The following MCC variants were observed in gnomAD, a reference collection of about 807,000 sequenced individuals.
MCC encodes colorectal mutant cancer protein.
Under a neutral mutation model 116.2 loss-of-function variants are expected in MCC, and 90 were observed. The observed-to-expected ratio is 0.77, with a 90% CI of 0.65 to 0.92. The LOEUF (loss-of-function observed/expected upper bound fraction) is 0.92. Among genes scored for constraint, MCC ranks in the 40% least tolerant of loss-of-function variants. The pLI is 0.00. For missense variants in MCC, 1,516 were observed against 1,312.2 expected, an observed-to-expected ratio of 1.16 and a Z score of -2.40; for synonymous variants, 578 against 510.5, an observed-to-expected ratio of 1.13 and a Z score of -1.78.
chr5:113,168,703 T>C (rs1760904198), intron 3 of MCC, among the ~76,000 whole-genome samples: 1 of 152,190 alleles, frequency 6.6e-6, no homozygotes, highest in Non-Finnish European at 1.5e-5. Flanking sequence ...TGTGCTTTTT[T>C]GCCATGTCTG....
At chr5:113,112,293 G>T (rs968671692) in intron 6 of MCC, among the ~76,000 whole-genome samples, 1 of 152,130 alleles carries the variant, frequency 6.6e-6, no homozygotes, top group South Asian at 2.1e-4. Flanking sequence ...AATTGTAATC[G>T]CCAATGTTGG....
chr5:113,247,527 G>T (rs1338140750), intron 3 of MCC, among the ~76,000 whole-genome samples: 3 of 152,162 alleles, frequency 2.0e-5, no homozygotes, highest in African/African-American at 7.2e-5. Flanking sequence ...TTCTTCACAT[G>T]GAAGTTTTAG....
At chr5:113,076,558 C>T (rs937394042) in intron 11 of MCC, among the ~76,000 whole-genome samples, 2 of 152,136 alleles carry the variant, frequency 1.3e-5, no homozygotes, top group Non-Finnish European at 1.5e-5. Flanking sequence ...TGCAGCCAAA[C>T]TAAGCTTCAT....
intron 1 of MCC, among the ~76,000 whole-genome samples, chr5:113,472,461 G>C (rs918257173): frequency 5.9e-5 from 9 of 152,084 alleles, no homozygotes; most frequent in African/African-American, 1.9e-4. Context: ...TATACTTATT[G>C]CATAAGACAA....
At chr5:113,469,508 A>C (rs1202722552) in intron 1 of MCC, among the ~76,000 whole-genome samples, 1 of 152,198 alleles carries the variant, frequency 6.6e-6, no homozygotes, top group Non-Finnish European at 1.5e-5. Flanking sequence ...TGAGTTTCTC[A>C]ATCCTGAGTT....
intron 17 of MCC, among the ~76,000 whole-genome samples, chr5:113,034,337 G>A (rs144110782): frequency 2.2e-3 from 341 of 152,370 alleles, no homozygotes; most frequent in Admixed American, 3.5e-3. Context: ...TGGGCAGAGC[G>A]AAGCAAGCCT....
chr5:113,106,845 C>G (rs1756764157), intron 6 of MCC, among the ~76,000 whole-genome samples: 1 of 152,246 alleles, frequency 6.6e-6, no homozygotes, highest in African/African-American at 2.4e-5. Flanking sequence ...GCCACCATGC[C>G]TGGCCAACCA....
intron 3 of MCC, among the ~76,000 whole-genome samples, chr5:113,229,410 A>G (rs1763859956): frequency 6.6e-6 from 1 of 152,256 alleles, no homozygotes; most frequent in South Asian, 2.1e-4. Flanking sequence ...ATGTTTTTCC[A>G]AACACCTAGT....
chr5:113,266,828 CA>C (rs1252044888), intron 3 of MCC, among the ~76,000 whole-genome samples: 2 of 151,750 alleles, frequency 1.3e-5, no homozygotes, highest in African/African-American at 4.8e-5. Context: ...AAAAACCTAA[CA>C]AAAAAACCTA....
At chr5:113,068,297 C>G in intron 12 of MCC, 114 bp from the exon 13 acceptor site, 1 of 735,716 alleles carries the variant, frequency 1.4e-6, no homozygotes. Flanking sequence ...TCACTCTCCA[C>G]ACAGGCAAGG....
At chr5:113,108,071 G>A (rs1468808904) in intron 6 of MCC, among the ~76,000 whole-genome samples, 2 of 152,146 alleles carry the variant, frequency 1.3e-5, no homozygotes, top group Non-Finnish European at 2.9e-5. Flanking sequence ...GAGGCCAGGC[G>A]CAGTGGCTCA....
rs960291691 is a variant in MCC at position 113,231,188 on chromosome 5, G to A, written c.628-79766C>T. ...TTTGTTTTGTTTTTTACTGAGGATT[G>A]AGGTACTAAAACATTTCCCTATTTC... On this transcript the variant is annotated intron_variant, in intron 3 of 18. Coordinates refer to ENST00000408903, the MANE Select transcript of MCC (RefSeq NM_001085377.2). Among the ~76,000 whole-genome samples the A allele has an allele frequency of 5.3e-5, 8 of 152,238 alleles. No homozygotes were observed. In the South Asian group the frequency reaches 1.7e-3, roughly 32 times the overall value.
chr5:113,066,975 C>T (rs973055739), intron 13 of MCC, among the ~76,000 whole-genome samples: 3 of 152,190 alleles, frequency 2.0e-5, no homozygotes, highest in Non-Finnish European at 4.4e-5. Context: ...CATGGAGAGA[C>T]GGCCACCTTT....
intron 5 of MCC, among the ~76,000 whole-genome samples, chr5:113,140,692 C>G (rs1464211777): frequency 6.6e-6 from 1 of 152,114 alleles, no homozygotes. Context: ...AAACTATGCC[C>G]TTAATAATGA....
At chr5:113,444,140 C>A (rs570356991) in intron 1 of MCC, among the ~76,000 whole-genome samples, 1 of 151,996 alleles carries the variant, frequency 6.6e-6, no homozygotes, top group Non-Finnish European at 1.5e-5. Context: ...TCACCGTGCC[C>A]GGCCTGTACA....
intron 3 of MCC, among the ~76,000 whole-genome samples, chr5:113,197,365 G>A (rs1306264132): frequency 2.0e-5 from 3 of 152,240 alleles, no homozygotes; most frequent in East Asian, 3.9e-4. Flanking sequence ...AAGAAGTGAA[G>A]AATGGCTACC....
intron 2 of MCC, among the ~76,000 whole-genome samples, chr5:113,341,383 C>G (rs1044787162): frequency 6.6e-6 from 1 of 152,042 alleles, no homozygotes; most frequent in Admixed American, 6.5e-5. Context: ...CATTTCTATA[C>G]TATGTTGCCC....
At chr5:113,287,275 T>G (rs1170493747) in intron 3 of MCC, among the ~76,000 whole-genome samples, 2 of 152,198 alleles carry the variant, frequency 1.3e-5, no homozygotes, top group Non-Finnish European at 2.9e-5. Context: ...AAATATAATT[T>G]TCATTTTCTG....
At chr5:113,367,004 T>C (rs1768704051) in intron 2 of MCC, among the ~76,000 whole-genome samples, 1 of 152,122 alleles carries the variant, frequency 6.6e-6, no homozygotes, top group Non-Finnish European at 1.5e-5. Flanking sequence ...GGTCTCCCTA[T>C]GTTGCCCAGA....
Sources: allele counts gnomAD v4.1 joint callset (sites outside exome capture counted in the v4.1 genomes callset), GRCh38; gene constraint gnomAD v4.1.1; transcripts MANE v1.5; gene names NCBI Gene and HGNC (gene_info 2026-07-23, HGNC 2026-07-21).